RTEL1: variants seen among roughly 807,000 people sequenced by gnomAD.
RTEL1 encodes regulator of telomere elongation helicase 1, also known as regulator of telomere length.
Under a neutral mutation model 162.2 loss-of-function variants are expected in RTEL1, and 86 were observed. The observed-to-expected ratio is 0.53, with a 90% CI of 0.45 to 0.63. The LOEUF is 0.63. Among genes scored for constraint, RTEL1 ranks in the 30% least tolerant of loss-of-function variants. The probability of loss-of-function intolerance (pLI) is 0.00; values close to 1 mark genes in which losing one functional copy is unlikely to be tolerated. For synonymous variants in RTEL1, 958 were observed against 717.9 expected (o/e 1.33, Z -5.35); for missense variants, 1,941 against 1,750.2 (o/e 1.11, Z -1.95).
chr20:63,671,518 G>A (rs2090241218), intron 8 of RTEL1, among the ~76,000 whole-genome samples: 1 of 151,632 alleles, frequency 6.6e-6, no homozygotes. Context: ...GTCTTGCTCT[G>A]TCACCCAGGC....
chr20:63,661,333 A>C lies in RTEL1; in HGVS notation c.138A>C (p.Thr46=). 1 of 1,612,894 alleles carries C rather than the reference A, an allele frequency of 6.2e-7. No homozygotes were observed. The change falls in exon 3 of 35, where the codon ACA becomes ACC. Residue 46 remains threonine, a synonymous_variant. Coordinates refer to ENST00000360203, the MANE Select transcript of RTEL1 (RefSeq NM_001283009.2). The surrounding 1 kb of genome is among the most constrained non-coding windows in gnomAD (Gnocchi z 5.1). ...GCATCCTGGAGAGCCCTACGGGTAC[A>C]GGGAAGACGCTGTGCCTGCTGTGCA... is the stretch of plus-strand genomic sequence containing the variant. ...VNGILESPTG[T]GKTLCLLCTT... is the part of the protein sequence containing the mutation.
chr20:63,664,782 T>C (rs986820040), intron 6 of RTEL1, among the ~76,000 whole-genome samples: 13 of 152,298 alleles, frequency 8.5e-5, no homozygotes, highest in African/African-American at 2.6e-4. Context: ...GCAGGTATTT[T>C]GGGCGAATGA....
In RTEL1 at chr20:63,688,145, C is replaced by G. The variant is rs745339095; in HGVS notation, c.1602C>G (p.Ser534=). 8 of 1,612,434 alleles carry G rather than the reference C, an allele frequency of 5.0e-6. No homozygotes were observed. The Admixed American group carries it at 1.3e-4, about 27-fold the overall frequency. ...GTGGCCTCTCCGGCTCTAGGTTTTCCGAGGAGTGCTTATCCTCCCTGGGGA... is the reference window on the plus strand; with the variant it reads ...GTGGCCTCTCCGGCTCTAGGTTTTCGGAGGAGTGCTTATCCTCCCTGGGGA... ...QLSSAFDRRF[S]EECLSSLGKA... The change falls in exon 19 of 35, where the codon TCC becomes TCG. Residue 534 remains serine (S), a synonymous_variant. Coordinates refer to ENST00000360203, the MANE Select transcript of RTEL1 (RefSeq NM_001283009.2).
At position 63,680,680 on chromosome 20, in the gene RTEL1, C is replaced by A. The variant is rs1366568479; in HGVS notation, c.1152C>A (p.Thr384=). The part of the protein sequence containing the change: ...QHLAGRAGVF[T]NTAGLQKLAD... Reference sequence around the variant, plus strand: ...GCCCTCCAGGTGCTGGAGTGTTCACCAACACGGCCGGACTGCAGAAGCTGG... The same window carrying A: ...GCCCTCCAGGTGCTGGAGTGTTCACAAACACGGCCGGACTGCAGAAGCTGG... The change falls in exon 14 of 35, where the codon ACC becomes ACA. Residue 384 remains threonine, a synonymous_variant. Transcript: ENST00000360203. The A allele has an allele frequency of 6.2e-6, 10 of 1,613,154 alleles. No individual in the cohort carries two copies. In the Admixed American group the frequency reaches 1.7e-4, roughly 27 times the overall value.
rs374379256 is a variant in RTEL1 at position 63,682,445 on chromosome 20, C to T, written c.1191+1726C>T. The T allele has an allele frequency of 2.0e-5, 20 of 985,770 alleles. No homozygotes were observed. In the East Asian group the frequency reaches 9.1e-4, roughly 45 times the overall value. The allele number at this position is 985,770 out of a possible 1,614,324, so 61.1% of individuals were successfully genotyped here. A position where few individuals can be genotyped will look rare whatever the true frequency, so the allele number is the denominator to read the frequency against. ...AGGAGAAGTCTCCACACTCTGGAAC[C>T]GGATCCTGGAACGTGGCCTCCCAGG... is the stretch of plus-strand genomic sequence containing the variant. On this transcript the variant is annotated intron_variant, in intron 14 of 34. Transcript: ENST00000360203.
rs1568719712 is a variant in RTEL1, at chr20:63,693,438, AG to A, written c.2992+156del. 5.5e-4 allele frequency among the ~76,000 whole-genome samples: 73 copies of A among 131,612 alleles called. 2 individuals carry two copies. Among genetic ancestry groups the A allele is most frequent in the South Asian group, 1.5e-3 (6 of 4,064 alleles). The allele number at this position is 131,612 out of a possible 152,430, so 86.3% of individuals were successfully genotyped here. ...GATGGGGGCCTCCACCTCCACCACCAGCACCAGCAGCACCACCTCCACCTCC... is the reference window on the plus strand; with the variant it reads ...GATGGGGGCCTCCACCTCCACCACCACACCAGCAGCACCACCTCCACCTCC... On this transcript the variant is annotated intron_variant, in intron 30 of 34. Coordinates refer to ENST00000360203, the MANE Select transcript of RTEL1 (RefSeq NM_001283009.2).
intron 14 of RTEL1, among the ~76,000 whole-genome samples, chr20:63,683,959 G>T (rs2090535521): frequency 1.3e-5 from 2 of 152,108 alleles, no homozygotes; most frequent in South Asian, 4.1e-4. Flanking sequence ...AAGTTCTGAG[G>T]ATCCCATGCC....
intron 16 of RTEL1, chr20:63,687,401 C>T (rs753836399): frequency 1.7e-5 from 9 of 529,290 alleles, no homozygotes; most frequent in Non-Finnish European, 3.0e-5. Context: ...CAGCCTCTGC[C>T]TGGGGTCTGC....
intron 12 of RTEL1, among the ~76,000 whole-genome samples, chr20:63,678,879 GCACACACACTCCCACAGACAGCA>G (rs1219470997): frequency 1.5e-5 from 2 of 131,856 alleles, no homozygotes; most frequent in East Asian, 4.2e-4. Flanking sequence ...CCACGGAACA[GCACACACACTCCCACAGACAGCA>G]CACACACACC....
Position 63,696,051 on chromosome 20 carries a change from C to T in RTEL1, c.*193C>T, listed in dbSNP as rs1309222445. On this transcript the variant is annotated 3_prime_UTR_variant, in exon 35 of 35. Coordinates refer to ENST00000360203, the MANE Select transcript of RTEL1 (RefSeq NM_001283009.2). ...GGATCTGGGCCTGCCTCTGAGAAGC[C>T]CTGAGCTACCTTGGGGTCTGGGGTG... 11 of 599,740 alleles carry T rather than the reference C, an allele frequency of 1.8e-5. No homozygotes were observed. Among genetic ancestry groups the T allele is most frequent in the Non-Finnish European group, 2.9e-5 (10 of 342,468 alleles). 37.2% of individuals were successfully genotyped at this position (599,740 alleles called of 1,614,324 possible). A position where few individuals can be genotyped will look rare whatever the true frequency, so the allele number is the denominator to read the frequency against.
chr20:63,674,240 C>G, intron 10 of RTEL1, 147 bp downstream of exon 10: 1 of 1,401,840 alleles, frequency 7.1e-7, no homozygotes, highest in East Asian at 2.5e-5. Flanking sequence ...CAGTGGGCAG[C>G]CTGCCCTGTG....
chr20:63,667,086 A>T (rs112453404), intron 7 of RTEL1, among the ~76,000 whole-genome samples: 2 of 135,922 alleles, frequency 1.5e-5, no homozygotes, highest in African/African-American at 2.8e-5. Flanking sequence ...TGATCCGCCC[A>T]CCTCGGCCTC....
chr20:63,673,759 A>T (rs1026765726), intron 9 of RTEL1, among the ~76,000 whole-genome samples, 181 bp from the exon 10 acceptor site: 1 of 152,048 alleles, frequency 6.6e-6, no homozygotes, highest in African/African-American at 2.4e-5. Flanking sequence ...GTTTCTAAAT[A>T]TTGGTGTGGG....
At chr20:63,693,873 C>T (rs1039506117) in intron 30 of RTEL1, among the ~76,000 whole-genome samples, 8 of 149,892 alleles carry the variant, frequency 5.3e-5, no homozygotes, top group African/African-American at 1.5e-4. Flanking sequence ...TGCCACACGT[C>T]CCCTGCCTCC....
intron 14 of RTEL1, chr20:63,682,512 C>A: frequency 1.0e-6 from 1 of 985,784 alleles, no homozygotes; most frequent in Non-Finnish European, 1.2e-6. Flanking sequence ...GAACCGAATC[C>A]TGCACACTCC....
intron 8 of RTEL1, among the ~76,000 whole-genome samples, chr20:63,671,638 C>T (rs996925974): frequency 6.8e-6 from 1 of 147,726 alleles, no homozygotes; most frequent in African/African-American, 2.5e-5. Context: ...CCCGCCACCA[C>T]GCCTGGCTAA....
Position 63,694,812 on chromosome 20 carries a change from A to C in RTEL1, c.3181A>C (p.Ser1061Arg), listed in dbSNP as rs1253738838. Residue 1061 changes from serine to arginine, a missense_variant, in exon 32 of 35, where the codon AGC becomes CGC. Transcript: ENST00000360203. ...AGGGAAGCAGGGCCAGCACGCCGTG[A>C]GCGCCTACCTGGCTGATGCCCGCAG... ...RAGKQGQHAV[S>R]AYLADARRAL... 1 of 1,612,318 alleles carries C rather than the reference A, an allele frequency of 6.2e-7. No homozygotes were observed.
chr20:63,661,206 G>T lies in RTEL1; in HGVS notation c.103-92G>T. The T allele has an allele frequency of 8.2e-7, 1 of 1,218,440 alleles. No homozygotes were observed. Among genetic ancestry groups the T allele is most frequent in the South Asian group, 1.3e-5 (1 of 75,180 alleles). The allele number at this position is 1,218,440 out of a possible 1,614,324, so 75.5% of individuals were successfully genotyped here. ...GTGGCCTCTGCATCTGCAAAGAGCT[G>T]CCCGCTGGCTGCCGAAGCTTGTCTC... On this transcript the variant is annotated intron_variant, in intron 2 of 34. Transcript: ENST00000360203. This position sits in a 1 kb window ranked among gnomAD's most constrained non-coding sequence, Gnocchi z 5.1.
chr20:63,692,463 C>G, intron 28 of RTEL1: 1 of 379,848 alleles, frequency 2.6e-6, no homozygotes, highest in Non-Finnish European at 4.9e-6. Context: ...ATCCTGGGAG[C>G]CTCAGCCGCA....
Sources: gnomAD v4.1 joint callset for allele counts (sites outside exome capture counted in the v4.1 genomes callset) on GRCh38, gnomAD v4.1.1 for gene constraint, Gnocchi (gnomAD v3.1) non-coding constraint, MANE v1.5 for transcripts, NCBI Gene and HGNC (gene_info 2026-07-23, HGNC 2026-07-21) for gene names.